NOS3: variants seen among roughly 807,000 people sequenced by gnomAD.
NOS3 encodes the protein NOS type III.
In NOS3, 98 loss-of-function variants were observed where a neutral mutation model predicts 144.9. That is an observed-to-expected ratio of 0.68 (90% CI 0.57 to 0.80). The LOEUF (loss-of-function observed/expected upper bound fraction) is 0.80. Ranked by LOEUF, NOS3 falls within the 30% of genes least tolerant of loss-of-function variation. The pLI is 0.00. For synonymous variants in NOS3, 714 were observed against 702.4 expected (o/e 1.02, Z -0.26); for missense variants, 1,465 against 1,656.4 (o/e 0.88, Z 2.01).
At chr7:151,011,884 C>A in intron 23 of NOS3, 1 of 412,374 alleles carries the variant, frequency 2.4e-6, no homozygotes, top group South Asian at 1.7e-5. Flanking sequence ...CTTGCCCGCT[C>A]TCGCAGCCAG....
chr7:151,011,064 G>T, intron 23 of NOS3, 78 bp downstream of exon 23: 1 of 946,096 alleles, frequency 1.1e-6, no homozygotes, highest in Non-Finnish European at 1.7e-6. Context: ...CACTGGTGAG[G>T]GGTGTCACTG....
At position 151,002,306 on chromosome 7, in the gene NOS3, TGAGAA is replaced by T. The variant is rs1406493215; in HGVS notation, c.1752+3_1752+7del. On this transcript the variant is annotated splice_donor_5th_base_variant and intron_variant, in intron 14 of 26. Transcript: ENST00000297494. The surrounding 1 kb of genome is among the most constrained non-coding windows in gnomAD (Gnocchi z 4.1). ...GGGGATCCCCCGGAGAATGGAGAGGTGAGAACTTCCAGGAAAGGGGCTGCTGGGAA... is the reference window on the plus strand; with the variant it reads ...GGGGATCCCCCGGAGAATGGAGAGGTCTTCCAGGAAAGGGGCTGCTGGGAA... 2 of 1,551,454 alleles carry T rather than the reference TGAGAA, an allele frequency of 1.3e-6. No individual in the cohort carries two copies. Among genetic ancestry groups the T allele is most frequent in the Non-Finnish European group, 1.8e-6 (2 of 1,137,944 alleles).
chr7:150,992,248 A>G (rs1163119039), intron 1 of NOS3, among the ~76,000 whole-genome samples: 1 of 152,118 alleles, frequency 6.6e-6, no homozygotes, highest in African/African-American at 2.4e-5. Flanking sequence ...ACCTAGGAAA[A>G]TGAGTCATCC....
rs1211937328 is a variant in NOS3, at chr7:151,001,889, A to G, written c.1571A>G (p.Tyr524Cys). 1.9e-6 allele frequency: 3 copies of G among 1,613,660 alleles called. 1 individual carries two copies. Among genetic ancestry groups the G allele is most frequent in the South Asian group, 2.2e-5 (2 of 91,082 alleles). ...AAGCGAGTGAAGGCGACAATCCTGTATGGCTCCGAGACCGGCCGGGCCCAG... is the reference window on the plus strand; with the variant it reads ...AAGCGAGTGAAGGCGACAATCCTGTGTGGCTCCGAGACCGGCCGGGCCCAG... ...MAKRVKATIL[Y>C]GSETGRAQSY... The change falls in exon 13 of 27, where the codon TAT becomes TGT. Residue 524 changes from tyrosine (Y) to cysteine (C), a missense_variant. Tyr to Cys is a radical substitution (Grantham distance 194). Transcript: ENST00000297494.
At position 151,009,467 on chromosome 7, in the gene NOS3, C is replaced by T; in HGVS notation, c.2394C>T (p.His798=). Residue 798 remains histidine, a synonymous_variant, in exon 20 of 27, where the codon CAC becomes CAT. Transcript: ENST00000297494. The stretch of plus-strand genomic sequence containing the variant: ...GGCTGCAGTACCAGCCGGGGGACCA[C>T]ATAGGTGTCTGCCCGCCCAACCGGC... ...QEGLQYQPGD[H]IGVCPPNRPG... 6.5e-7 allele frequency: 1 copy of T among 1,549,204 alleles called. No individual in the cohort carries two copies. Among genetic ancestry groups the T allele is most frequent in the South Asian group, 1.2e-5 (1 of 84,004 alleles).
chr7:150,991,067 G>C lies in NOS3; in HGVS notation c.-285G>C, dbSNP rs1044738089. 6.6e-6 allele frequency: 1 copy of C among 152,230 alleles called. No individual in the cohort carries two copies. The highest frequency in any genetic ancestry group is 2.4e-5 in the African/African-American group (1 of 41,420). 9.4% of individuals were successfully genotyped at this position (152,230 alleles called of 1,614,324 possible). On this transcript the variant is annotated 5_prime_UTR_variant, in exon 1 of 27. Coordinates refer to ENST00000297494, the MANE Select transcript of NOS3 (RefSeq NM_000603.5). ...GGAGGGGGTTGTTTACTGAAACTAGGGGCAAGGAGACGAAGAGAACATGAA... is the reference window on the plus strand; with the variant it reads ...GGAGGGGGTTGTTTACTGAAACTAGCGGCAAGGAGACGAAGAGAACATGAA...
rs1240827867 is a variant in NOS3 at position 150,996,873 on chromosome 7, C to G, written c.530C>G (p.Ala177Gly). Reference protein sequence around the residue: ...ESELVFGAKQAWRNAPRCVGR... With the variant: ...ESELVFGAKQGWRNAPRCVGR... The stretch of plus-strand genomic sequence containing the variant: ...GAGCTGGTGTTCGGGGCTAAGCAGG[C>G]CTGGCGCAACGCTCCCCGCTGCGTG... Residue 177 changes from alanine to glycine, a missense_variant, in exon 5 of 27, where the codon GCC becomes GGC. Around this residue, in one of 5 missense-constraint regions of NOS3, gnomAD observed 374 missense variants for 377.0 expected, o/e 0.99. Transcript: ENST00000297494. 6.3e-7 allele frequency: 1 copy of G among 1,588,854 alleles called. No individual in the cohort carries two copies. Among genetic ancestry groups the G allele is most frequent in the African/African-American group, 1.3e-5 (1 of 74,506 alleles).
chr7:151,006,817 T>C, intron 15 of NOS3, 72 bp from the exon 16 acceptor site: 1 of 1,231,242 alleles, frequency 8.1e-7, no homozygotes, highest in Non-Finnish European at 1.2e-6. Context: ...AAGCCGTCCC[T>C]GGGGCTGGGG....
Position 150,993,784 on chromosome 7 carries a change from C to T in NOS3, c.-20C>T. ...GCCAGGGCTCTGCTGGAGCAGGCAGCAGAGTGGACGCACAGTAACATGGGC... is the reference window on the plus strand; with the variant it reads ...GCCAGGGCTCTGCTGGAGCAGGCAGTAGAGTGGACGCACAGTAACATGGGC... On this transcript the variant is annotated 5_prime_UTR_variant, in exon 2 of 27. Coordinates refer to ENST00000297494, the MANE Select transcript of NOS3 (RefSeq NM_000603.5). The surrounding 1 kb of genome is among the most constrained non-coding windows in gnomAD (Gnocchi z 4.0). 6.3e-7 allele frequency: 1 copy of T among 1,580,180 alleles called. No individual in the cohort carries two copies. Among genetic ancestry groups the T allele is most frequent in the Non-Finnish European group, 8.5e-7 (1 of 1,170,330 alleles).
rs762474121 is a variant in NOS3, at chr7:151,001,836, C to T, written c.1518C>T (p.Ser506=). 1.2e-4 allele frequency: 194 copies of T among 1,613,374 alleles called. 6 individuals are homozygous for T. The highest frequency in any genetic ancestry group is 4.9e-4 in the Middle Eastern group (3 of 6,082). The change falls in exon 13 of 27, where the codon TCC becomes TCT. Residue 506 remains serine (S), a synonymous_variant. Coordinates refer to ENST00000297494, the MANE Select transcript of NOS3 (RefSeq NM_000603.5). ...FKEVANAVKI[S]ASLMGTVMAK... ...TCTCCCGCAGCGCCGTGAAGATCTC[C>T]GCCTCGCTCATGGGCACGGTGATGG...
chr7:151,013,948 G>GC, intron 26 of NOS3, 30 bp downstream of exon 26: 10 of 1,602,822 alleles, frequency 6.2e-6, no homozygotes, highest in Middle Eastern at 1.7e-4. Context: ...GCCTGAGCGT[G>GC]CGGGGTTCCT....
intron 14 of NOS3, chr7:151,004,063 G>A (rs922030855): frequency 8.6e-5 from 19 of 220,402 alleles, no homozygotes; most frequent in Admixed American, 2.8e-4. Flanking sequence ...CAGGCCAGGC[G>A]CGGTGGCTCA....
chr7:151,011,063 G>T, intron 23 of NOS3, 77 bp downstream of exon 23: 1 of 975,850 alleles, frequency 1.0e-6, no homozygotes, highest in East Asian at 2.6e-5. Context: ...TCACTGGTGA[G>T]GGGTGTCACT....
chr7:151,010,844 G>A (rs1795288583), intron 22 of NOS3, 37 bp downstream of exon 22: 3 of 1,607,368 alleles, frequency 1.9e-6, no homozygotes, highest in Non-Finnish European at 2.6e-6. Flanking sequence ...GGCCACAGCA[G>A]GGTTGGGACC....
rs749685848 is a variant in NOS3 at position 150,999,019 on chromosome 7, A to G, written c.890A>G (p.Asp297Gly). ...DVLPLLLQAP[D>G]DPPELFLLPP... ...CTGCCCCTGCTGCTGCAGGCCCCAG[A>G]TGATCCCCCAGAACTCTTCCTTCTG... The change falls in exon 8 of 27, where the codon GAT (aspartate) becomes GGT (glycine). Residue 297 changes from aspartate to glycine, a missense_variant. Coordinates refer to ENST00000297494, the MANE Select transcript of NOS3 (RefSeq NM_000603.5). 2 of 1,612,528 alleles carry G rather than the reference A, an allele frequency of 1.2e-6. No homozygotes were observed. Among genetic ancestry groups the G allele is most frequent in the Non-Finnish European group, 1.7e-6 (2 of 1,179,876 alleles).
chr7:151,002,163 G>T lies in NOS3; in HGVS notation c.1648-37G>T. The T allele has an allele frequency of 6.8e-7, 1 of 1,476,904 alleles. No homozygotes were observed. Among genetic ancestry groups the T allele is most frequent in the Non-Finnish European group, 9.3e-7 (1 of 1,072,244 alleles). 91.5% of individuals were successfully genotyped at this position (1,476,904 alleles called of 1,614,324 possible). A position where few individuals can be genotyped will look rare whatever the true frequency, so the allele number is the denominator to read the frequency against. Reference sequence around the variant, plus strand: ...AGTGAGGAGGGCAGGGCCTCCGGGGGCCACAGCACCCAGGACATCTGTCTT... The same window carrying T: ...AGTGAGGAGGGCAGGGCCTCCGGGGTCCACAGCACCCAGGACATCTGTCTT... On this transcript the variant is annotated intron_variant, in intron 13 of 26. Coordinates refer to ENST00000297494, the MANE Select transcript of NOS3 (RefSeq NM_000603.5). The surrounding 1 kb of genome is among the most constrained non-coding windows in gnomAD (Gnocchi z 4.1).
intron 1 of NOS3, among the ~76,000 whole-genome samples, chr7:150,992,091 A>G (rs893258749): frequency 6.6e-6 from 1 of 151,454 alleles, no homozygotes; most frequent in Admixed American, 6.6e-5. Context: ...AGAGGTTGCA[A>G]TGAACCAAGA....
chr7:151,011,313 A>G (rs903242687), intron 23 of NOS3, among the ~76,000 whole-genome samples: 2 of 151,970 alleles, frequency 1.3e-5, no homozygotes, highest in Non-Finnish European at 2.9e-5. Context: ...TGGGAACTAC[A>G]GTCACTAAAT....
intron 5 of NOS3, 80 bp downstream of exon 5, chr7:150,997,005 G>C (rs947142936): frequency 2.8e-6 from 4 of 1,453,646 alleles, no homozygotes; most frequent in East Asian, 2.5e-5. Flanking sequence ...AAGGCTTCCC[G>C]GGGGCTGGGA....
Sources: allele counts gnomAD v4.1 joint callset (sites outside exome capture counted in the v4.1 genomes callset), GRCh38; gene constraint gnomAD v4.1.1; regional missense constraint gnomAD v4.1.1; non-coding constraint Gnocchi (gnomAD v3.1); transcripts MANE v1.5; gene names NCBI Gene and HGNC (gene_info 2026-07-23, HGNC 2026-07-21).